DLG2: variants seen among roughly 807,000 people sequenced by gnomAD.
The protein encoded by DLG2 is discs large MAGUK scaffold protein 2, also known as disks large homolog 2.
A neutral mutation model predicts 132.5 loss-of-function variants in DLG2; 45 were observed. That is an observed-to-expected ratio of 0.34 (90% CI 0.27 to 0.44). The LOEUF (loss-of-function observed/expected upper bound fraction) is 0.44. DLG2 is among the 20% of genes least tolerant of loss of function. The probability of loss-of-function intolerance (pLI) is 1.00; values close to 1 mark genes in which losing one functional copy is unlikely to be tolerated. For synonymous variants in DLG2, 424 were observed against 419.6 expected, an observed-to-expected ratio of 1.01 and a Z score of -0.13; for missense variants, 1,045 against 1,196.9, an observed-to-expected ratio of 0.87 and a Z score of 1.87.
rs137874921 is a variant in DLG2, at chr11:83,675,924, T to G, written c.1826-42599A>C. ...CATCATATGCTTGGCCTTCATTCCA[T>G]TATGTTATGTACTAACTCTAGTAGA... is the stretch of plus-strand genomic sequence containing the variant. On this transcript the variant is annotated intron_variant, in intron 18 of 27. Coordinates refer to ENST00000376104, the MANE Select transcript of DLG2 (RefSeq NM_001142699.3). Among the ~76,000 whole-genome samples the G allele has an allele frequency of 3.6e-3, 554 of 152,330 alleles. 6 individuals carry two copies. Among genetic ancestry groups the G allele is most frequent in the African/African-American group, 0.013 (527 of 41,570 alleles).
chr11:85,448,614 G>C (rs866783174), intron 3 of DLG2, among the ~76,000 whole-genome samples: 34 of 152,226 alleles, frequency 2.2e-4, no homozygotes, highest in Admixed American at 1.6e-3. Flanking sequence ...CTTTGCTTCT[G>C]AAATTCTCTC....
intron 3 of DLG2, among the ~76,000 whole-genome samples, chr11:85,384,776 C>T (rs1392371798): frequency 6.6e-6 from 1 of 152,092 alleles, no homozygotes; most frequent in Non-Finnish European, 1.5e-5. Context: ...CCATGTTGGC[C>T]AGGCTGGTCT....
chr11:85,603,195 G>A (rs1365195723), intron 2 of DLG2, among the ~76,000 whole-genome samples: 1 of 152,188 alleles, frequency 6.6e-6, no homozygotes, highest in Non-Finnish European at 1.5e-5. Context: ...CTTGCGTAAT[G>A]TTTTAACAAC....
chr11:85,438,395 GA>G (rs1239794173), intron 3 of DLG2, among the ~76,000 whole-genome samples: 1 of 151,906 alleles, frequency 6.6e-6, no homozygotes, highest in African/African-American at 2.4e-5. Flanking sequence ...TTTTCTACAG[GA>G]ATATTCATGC....
chr11:85,104,214 T>C (rs1281827355), intron 6 of DLG2, among the ~76,000 whole-genome samples: 1 of 151,904 alleles, frequency 6.6e-6, no homozygotes, highest in Non-Finnish European at 1.5e-5. Flanking sequence ...CCTAGGCATA[T>C]ACCCAAGAGA....
intron 7 of DLG2, among the ~76,000 whole-genome samples, chr11:84,483,544 A>G (rs2099143416): frequency 6.6e-6 from 1 of 152,006 alleles, no homozygotes. Flanking sequence ...TGTCGTTCTG[A>G]TACAATTAAT....
chr11:84,401,796 C>A (rs1430030455), intron 7 of DLG2, among the ~76,000 whole-genome samples: 3 of 152,180 alleles, frequency 2.0e-5, no homozygotes, highest in Non-Finnish European at 4.4e-5. Context: ...CATTCTCTTG[C>A]CTCAGCCTCC....
intron 6 of DLG2, among the ~76,000 whole-genome samples, chr11:84,569,936 T>A (rs1162162021): frequency 6.6e-6 from 1 of 152,188 alleles, no homozygotes; most frequent in African/African-American, 2.4e-5. Flanking sequence ...TTCCTGACAG[T>A]TAGTAGCAAT....
chr11:85,279,652 G>A (rs1032853247), intron 4 of DLG2, among the ~76,000 whole-genome samples: 1 of 151,522 alleles, frequency 6.6e-6, no homozygotes, highest in Non-Finnish European at 1.5e-5. Context: ...AAATCCATAC[G>A]AAGTAATTAC....
intron 18 of DLG2, among the ~76,000 whole-genome samples, chr11:83,634,877 C>G (rs185248119): frequency 1.9e-4 from 29 of 152,260 alleles, no homozygotes; most frequent in African/African-American, 5.8e-4. Flanking sequence ...CTGGAAATTT[C>G]TGGTGCATAA....
chr11:85,388,699 A>G (rs1358933126), intron 3 of DLG2, among the ~76,000 whole-genome samples: 1 of 152,188 alleles, frequency 6.6e-6, no homozygotes, highest in Admixed American at 6.5e-5. Flanking sequence ...ACCCAGTACC[A>G]GCCAGAAGCC....
intron 7 of DLG2, among the ~76,000 whole-genome samples, chr11:84,403,720 C>G (rs1225747020): frequency 6.6e-6 from 1 of 152,238 alleles, no homozygotes; most frequent in East Asian, 1.9e-4. Context: ...ATCTATTTCT[C>G]ACTCATTTGA....
In DLG2 at chr11:84,431,142, T is replaced by C. The variant is rs1047164488; in HGVS notation, c.519+103428A>G. Among the ~76,000 whole-genome samples, 5 of 152,202 alleles carry C rather than the reference T, an allele frequency of 3.3e-5. No homozygotes were observed. In the East Asian group the frequency reaches 5.8e-4, roughly 18 times the overall value. On this transcript the variant is annotated intron_variant, in intron 7 of 27. Coordinates refer to ENST00000376104, the MANE Select transcript of DLG2 (RefSeq NM_001142699.3). Reference sequence around the variant, plus strand: ...TTATTTTTCACAGGAAAAATAAACTTAGTATCTAACTCATCATAAACCTAC... The same window carrying C: ...TTATTTTTCACAGGAAAAATAAACTCAGTATCTAACTCATCATAAACCTAC...
chr11:83,870,544 C>T lies in DLG2; in HGVS notation c.1565+3876G>A, dbSNP rs77262115. ...CACTTAGGTTGATTAGGCTTTTTAACGGAAAGGTTTGAGGTTAAGCCAGAA... is the reference window on the plus strand; with the variant it reads ...CACTTAGGTTGATTAGGCTTTTTAATGGAAAGGTTTGAGGTTAAGCCAGAA... On this transcript the variant is annotated intron_variant, in intron 16 of 27. Coordinates refer to ENST00000376104, the MANE Select transcript of DLG2 (RefSeq NM_001142699.3). Among the ~76,000 whole-genome samples the T allele has an allele frequency of 2.6e-4, 39 of 152,174 alleles. No individual in the cohort carries two copies. The East Asian group carries it at 5.0e-3, about 20-fold the overall frequency.
intron 2 of DLG2, among the ~76,000 whole-genome samples, chr11:85,623,941 C>T (rs2081899183): frequency 6.6e-6 from 1 of 152,116 alleles, no homozygotes; most frequent in Non-Finnish European, 1.5e-5. Context: ...TACAACTTAT[C>T]CTGAATTGGT....
At chr11:85,467,172 T>A (rs558649315) in intron 3 of DLG2, among the ~76,000 whole-genome samples, 4 of 152,302 alleles carry the variant, frequency 2.6e-5, no homozygotes, top group South Asian at 2.1e-4. Flanking sequence ...ATCCTGAGAC[T>A]TTGCTGAAGT....
intron 11 of DLG2, among the ~76,000 whole-genome samples, chr11:84,046,333 T>A (rs1352801215): frequency 6.6e-6 from 1 of 151,564 alleles, no homozygotes; most frequent in Non-Finnish European, 1.5e-5. Flanking sequence ...ATCAGAATAT[T>A]TGACATCTTA....
At chr11:84,782,978 C>G (rs1211931576) in intron 6 of DLG2, among the ~76,000 whole-genome samples, 2 of 152,074 alleles carry the variant, frequency 1.3e-5, no homozygotes, top group Non-Finnish European at 2.9e-5. Context: ...ACCTTTAGTC[C>G]TTCCTATGTA....
intron 4 of DLG2, among the ~76,000 whole-genome samples, chr11:85,264,851 T>C (rs1411852103): frequency 6.6e-6 from 1 of 152,190 alleles, no homozygotes; most frequent in Non-Finnish European, 1.5e-5. Flanking sequence ...GAACTTCTGT[T>C]CTAATTTGTT....
Sources: gnomAD v4.1 joint callset for allele counts (sites outside exome capture counted in the v4.1 genomes callset) on GRCh38, gnomAD v4.1.1 for gene constraint, MANE v1.5 for transcripts, NCBI Gene and HGNC (gene_info 2026-07-23, HGNC 2026-07-21) for gene names.